Variants in SPATA6L observed in about 807,000 individuals in gnomAD.
The protein encoded by SPATA6L is spermatogenesis associated 6 like.
In SPATA6L, 68 loss-of-function variants were observed where a neutral mutation model predicts 49.2. That is an observed-to-expected ratio of 1.38 (90% CI 1.14 to 1.69). The LOEUF is 1.69. Among genes scored for constraint, SPATA6L ranks in the 40% most tolerant of loss-of-function variants. The probability of loss-of-function intolerance (pLI) is 0.00; values close to 1 mark genes in which losing one functional copy is unlikely to be tolerated. For missense variants in SPATA6L, 668 were observed against 464.3 expected (o/e 1.44, Z -4.03); for synonymous variants, 198 against 165.7 (o/e 1.19, Z -1.50).
Position 4,654,589 on chromosome 9 carries a change from T to C in SPATA6L, c.226+1452A>G, listed in dbSNP as rs112514647. 1.4e-3 allele frequency among the ~76,000 whole-genome samples: 213 copies of C among 152,316 alleles called. 1 individual carries two copies. The highest frequency in any genetic ancestry group is 2.2e-3 in the Non-Finnish European group (151 of 68,026). On this transcript the variant is annotated intron_variant, in intron 3 of 11. Transcript: ENST00000682582. Reference sequence around the variant, plus strand: ...TGTACTGGAAGAATAGGATCACACATGGGCTTGGAGAATGAGTGTGAGGTT... The same window carrying C: ...TGTACTGGAAGAATAGGATCACACACGGGCTTGGAGAATGAGTGTGAGGTT...
At chr9:4,649,654 G>C (rs997002071) in intron 3 of SPATA6L, among the ~76,000 whole-genome samples, 3 of 152,318 alleles carry the variant, frequency 2.0e-5, no homozygotes, top group African/African-American at 7.2e-5. Flanking sequence ...TTCTTCCACA[G>C]AGCGAGTTAA....
intron 3 of SPATA6L, among the ~76,000 whole-genome samples, chr9:4,639,273 A>G (rs1303668017): frequency 6.6e-6 from 1 of 152,184 alleles, no homozygotes; most frequent in Admixed American, 6.5e-5. Flanking sequence ...ATGATGTTCT[A>G]CACAGGAGGC....
At chr9:4,611,199 G>A (rs574334260) in intron 9 of SPATA6L, among the ~76,000 whole-genome samples, 67 of 146,066 alleles carry the variant, frequency 4.6e-4, no homozygotes, top group South Asian at 1.3e-3. Flanking sequence ...CACTGTTGGT[G>A]GGACTGTAAA....
intron 3 of SPATA6L, among the ~76,000 whole-genome samples, chr9:4,638,925 C>A (rs970385203): frequency 1.4e-4 from 22 of 152,040 alleles, no homozygotes; most frequent in Admixed American, 1.2e-3. Flanking sequence ...ACTGGGACTA[C>A]AGACGCGCAC....
intron 6 of SPATA6L, among the ~76,000 whole-genome samples, chr9:4,622,964 A>G (rs1357009798): frequency 6.9e-6 from 1 of 144,154 alleles, no homozygotes; most frequent in Non-Finnish European, 1.5e-5. Context: ...TGGTCCGAGT[A>G]TCTACATTTT....
chr9:4,614,790 C>G (rs1587062774), intron 9 of SPATA6L, among the ~76,000 whole-genome samples: 1 of 152,138 alleles, frequency 6.6e-6, no homozygotes, highest in Admixed American at 6.5e-5. Flanking sequence ...TTTACAAACT[C>G]ATAGTCCAAC....
chr9:4,605,518 G>C, intron 9 of SPATA6L, 78 bp from the exon 10 acceptor site: 3 of 936,594 alleles, frequency 3.2e-6, no homozygotes, highest in South Asian at 1.5e-5. Context: ...GGTATGGATT[G>C]ATATTTAAAA....
chr9:4,660,904 C>A (rs971677966), intron 2 of SPATA6L, among the ~76,000 whole-genome samples: 1 of 152,112 alleles, frequency 6.6e-6, no homozygotes, highest in African/African-American at 2.4e-5. Flanking sequence ...AGCTGGAAAC[C>A]ATCATTCTCA....
At position 4,599,329 on chromosome 9, in the gene SPATA6L, G is replaced by A. The variant is rs190027497; in HGVS notation, c.*1482C>T. ...TTATTTGGCTGAAATTCTAAGAAGA[G>A]GATAAATGAATTTTGTTTTGTTGTT... is the stretch of plus-strand genomic sequence containing the variant. On this transcript the variant is annotated 3_prime_UTR_variant, in exon 12 of 12. Transcript: ENST00000682582. Among the ~76,000 whole-genome samples, 358 of 152,242 alleles carry A rather than the reference G, an allele frequency of 2.4e-3. 5 individuals carry two copies. The highest frequency in any genetic ancestry group is 7.9e-3 in the African/African-American group (327 of 41,534).
intron 9 of SPATA6L, among the ~76,000 whole-genome samples, chr9:4,608,877 A>T (rs1181382418): frequency 2.6e-5 from 4 of 152,210 alleles, no homozygotes; most frequent in Admixed American, 6.5e-5. Flanking sequence ...TGAAAGGATC[A>T]ACAAAATAGA....
intron 10 of SPATA6L, 71 bp downstream of exon 10, chr9:4,605,276 C>T (rs936670417): frequency 1.2e-5 from 14 of 1,189,234 alleles, no homozygotes; most frequent in Admixed American, 5.3e-5. Context: ...TCTGTCTCCC[C>T]GACTAGACTG....
At chr9:4,604,345 T>C in intron 10 of SPATA6L, 76 bp from the exon 11 acceptor site, 1 of 951,068 alleles carries the variant, frequency 1.1e-6, no homozygotes, top group Non-Finnish European at 1.7e-6. Flanking sequence ...TGTGTAGTTT[T>C]GCATGTAGGA....
rs907937960 is a variant in SPATA6L at position 4,600,295 on chromosome 9, T to C, written c.*516A>G. Among the ~76,000 whole-genome samples the C allele has an allele frequency of 6.6e-6, 1 of 152,136 alleles. No homozygotes were observed. The highest frequency in any genetic ancestry group is 6.5e-5 in the Admixed American group (1 of 15,278). ...AGACGTAATGCTCTCTTTTCCAAGG[T>C]TTTTAGTGGACTTCACGTAAATCAA... On this transcript the variant is annotated 3_prime_UTR_variant, in exon 12 of 12. Transcript: ENST00000682582.
chr9:4,593,020 A>G (rs1822009082), intron 13 of SPATA6L, among the ~76,000 whole-genome samples: 1 of 152,246 alleles, frequency 6.6e-6, no homozygotes, highest in African/African-American at 2.4e-5. Context: ...AGTCTCATGC[A>G]TTCTTCTTAA....
intron 7 of SPATA6L, among the ~76,000 whole-genome samples, chr9:4,621,376 G>C (rs1318651416): frequency 6.6e-6 from 1 of 152,142 alleles, no homozygotes; most frequent in East Asian, 1.9e-4. Flanking sequence ...ATAATACTAA[G>C]ACATGATTTG....
chr9:4,622,638 C>T (rs1829589049), intron 6 of SPATA6L, 128 bp from the exon 7 acceptor site: 1 of 620,944 alleles, frequency 1.6e-6, no homozygotes, highest in Non-Finnish European at 2.8e-6. Flanking sequence ...GCTGGAAAAC[C>T]ACCTAGAGCA....
rs181271449 is a variant in SPATA6L at position 4,635,343 on chromosome 9, G to A, written c.283C>T (p.Pro95Ser). ...ENTRDFLFPEPKLTPSHPRRC... is the reference protein window; with the variant it reads ...ENTRDFLFPESKLTPSHPRRC... ...CTAGGGTGCGAAGGTGTCAGCTTGG[G>A]CTCTGGGAAAAGAAAATCTCGTGTG... Residue 95 changes from proline to serine, a missense_variant, in exon 4 of 12, where the codon CCC (proline) becomes TCC (serine). By Grantham distance (74) the Pro-to-Ser change is moderately conservative. Transcript: ENST00000682582. 3.1e-4 allele frequency: 498 copies of A among 1,590,098 alleles called. 6 individuals carry two copies. The East Asian group carries it at 7.9e-3, about 25-fold the overall frequency.
At chr9:4,663,223 A>G (rs575173831) in intron 1 of SPATA6L, 29 of 1,614,018 alleles carry the variant, frequency 1.8e-5, no homozygotes, top group South Asian at 1.5e-4. Context: ...CTCTCACCCC[A>G]TAATGCTCCG....
At chr9:4,644,685 TCACACACACACACACA>T (rs59433051) in intron 3 of SPATA6L, among the ~76,000 whole-genome samples, 7 of 107,756 alleles carry the variant, frequency 6.5e-5, no homozygotes, top group African/African-American at 2.3e-4. Context: ...TCTCTCTCTC[TCACACACACACACACA>T]CACACACACA....
Sources: allele counts gnomAD v4.1 joint callset (sites outside exome capture counted in the v4.1 genomes callset), GRCh38; gene constraint gnomAD v4.1.1; transcripts MANE v1.5; gene names NCBI Gene and HGNC (gene_info 2026-07-23, HGNC 2026-07-21).